The following ARHGEF12 variants were observed in gnomAD, a reference collection of about 807,000 sequenced individuals.
The protein encoded by ARHGEF12 is Rho guanine nucleotide exchange factor 12.
Under a neutral mutation model 211.2 loss-of-function variants are expected in ARHGEF12, and 66 were observed. That is an observed-to-expected ratio of 0.31 (90% CI 0.26 to 0.38). ARHGEF12 has a LOEUF of 0.38. Among genes scored for constraint, ARHGEF12 ranks in the 10% least tolerant of loss-of-function variants. ARHGEF12 has a pLI of 1.00. For missense variants in ARHGEF12, 1,429 were observed against 1,869.5 expected (o/e 0.76, Z 4.34); for synonymous variants, 592 against 638.4 (o/e 0.93, Z 1.09).
intron 31 of ARHGEF12, among the ~76,000 whole-genome samples, chr11:120,473,855 A>G (rs567856955): frequency 2.1e-4 from 32 of 152,322 alleles, no homozygotes; most frequent in Admixed American, 1.6e-3. Flanking sequence ...TGCCACTTCT[A>G]GTATGTGGGC....
intron 1 of ARHGEF12, among the ~76,000 whole-genome samples, chr11:120,404,861 C>T (rs1944653375): frequency 6.6e-6 from 1 of 152,182 alleles, no homozygotes; most frequent in African/African-American, 2.4e-5. Context: ...TCTCCTACCT[C>T]AACAGTTATG....
chr11:120,445,449 A>G lies in ARHGEF12; in HGVS notation c.1330A>G (p.Met444Val). 6.2e-7 allele frequency: 1 copy of G among 1,614,144 alleles called. No individual in the cohort carries two copies. The highest frequency in any genetic ancestry group is 1.3e-5 in the African/African-American group (1 of 75,070). Reference protein sequence around the residue: ...AHLKVSVPDEMSADLEKRRPE... With the variant: ...AHLKVSVPDEVSADLEKRRPE... ...CCTGAAAGTTTCTGTTCCTGATGAA[A>G]TGTCTGCAGATCTAGGTAAGCTTGG... Residue 444 changes from methionine to valine, a missense_variant, in exon 16 of 41, where the codon ATG becomes GTG. By Grantham distance (21) the Met-to-Val change is conservative (BLOSUM62 1). This residue lies in a region of ARHGEF12 where 373 missense variants were observed against 467.5 expected (regional missense o/e 0.80). Coordinates refer to ENST00000397843, the MANE Select transcript of ARHGEF12 (RefSeq NM_015313.3).
At chr11:120,406,332 ATACT>A (rs1446921714) in intron 2 of ARHGEF12, among the ~76,000 whole-genome samples, 191 bp downstream of exon 2, 3 of 152,142 alleles carry the variant, frequency 2.0e-5, no homozygotes, top group Non-Finnish European at 2.9e-5. Context: ...TGTTTTGATA[ATACT>A]TCTAATATAA....
In ARHGEF12 at chr11:120,442,116, T is replaced by C; in HGVS notation, c.1216T>C (p.Tyr406His). ...FDPATLLCYLYSDLYKHTNSK... is the reference protein window; with the variant it reads ...FDPATLLCYLHSDLYKHTNSK... ...TTCTCCACTACAGCTCTGTTATCTC[T>C]ATTCAGACCTGTATAAACATACCAA... Residue 406 changes from tyrosine to histidine, a missense_variant, in exon 15 of 41, where the codon TAT becomes CAT. Tyr to His is a moderately conservative substitution (Grantham distance 83). Transcript: ENST00000397843. 6.3e-7 allele frequency: 1 copy of C among 1,599,858 alleles called. No homozygotes were observed. Among genetic ancestry groups the C allele is most frequent in the Non-Finnish European group, 8.5e-7 (1 of 1,173,930 alleles).
chr11:120,465,589 T>G (rs1399092002), intron 28 of ARHGEF12, among the ~76,000 whole-genome samples: 4 of 152,056 alleles, frequency 2.6e-5, no homozygotes, highest in Non-Finnish European at 5.9e-5. Flanking sequence ...GCCTCAGCCT[T>G]CCTAGTAGTT....
chr11:120,350,514 C>CAA (rs1049405896), intron 1 of ARHGEF12, among the ~76,000 whole-genome samples: 4 of 81,024 alleles, frequency 4.9e-5, no homozygotes, highest in East Asian at 3.2e-4. Flanking sequence ...GACTCCGTCT[C>CAA]AAAAAAAAAA....
chr11:120,357,547 T>G (rs1368634218), intron 1 of ARHGEF12, among the ~76,000 whole-genome samples: 2 of 152,102 alleles, frequency 1.3e-5, no homozygotes, highest in Non-Finnish European at 2.9e-5. Context: ...AGGTAAGGGA[T>G]AGAGGAACAA....
chr11:120,374,319 G>C (rs992579893), intron 1 of ARHGEF12, among the ~76,000 whole-genome samples: 5 of 152,194 alleles, frequency 3.3e-5, no homozygotes, highest in Non-Finnish European at 5.9e-5. Flanking sequence ...TCACAGTTCA[G>C]CAGTTTTGAC....
In ARHGEF12 at chr11:120,451,509, C is replaced by T. The variant is rs1252353524; in HGVS notation, c.1844-3C>T. On this transcript the variant is annotated splice_polypyrimidine_tract_variant and splice_region_variant and intron_variant, in intron 21 of 40. Coordinates refer to ENST00000397843, the MANE Select transcript of ARHGEF12 (RefSeq NM_015313.3). ...AGATTATTAACCATCATTTTCTGAT[C>T]AGTTGGCAGAGCCATGGAACTACAG... is the stretch of plus-strand genomic sequence containing the variant. 8 of 1,613,644 alleles carry T rather than the reference C, an allele frequency of 5.0e-6. No individual in the cohort carries two copies. The African/African-American group carries it at 8.0e-5, about 16-fold the overall frequency.
Position 120,487,086 on chromosome 11 carries a change from C to CT in ARHGEF12, c.*2010dup, listed in dbSNP as rs1402244840. The stretch of plus-strand genomic sequence containing the variant: ...GGGTTACACCTGTAGCCACTTGACA[C>CT]TAACACCATCGAGGGCAATTAATCA... On this transcript the variant is annotated 3_prime_UTR_variant, in exon 41 of 41. Coordinates refer to ENST00000397843, the MANE Select transcript of ARHGEF12 (RefSeq NM_015313.3). 4.6e-6 allele frequency: 1 copy of CT among 217,612 alleles called. No individual in the cohort carries two copies. The highest frequency in any genetic ancestry group is 9.2e-6 in the Non-Finnish European group (1 of 108,116). The allele number at this position is 217,612 out of a possible 1,614,324, so 13.5% of individuals were successfully genotyped here. A position where few individuals can be genotyped will look rare whatever the true frequency, so the allele number is the denominator to read the frequency against.
intron 22 of ARHGEF12, 116 bp downstream of exon 22, chr11:120,451,840 G>C: frequency 1.0e-6 from 1 of 990,678 alleles, no homozygotes; most frequent in Non-Finnish European, 1.5e-6. Flanking sequence ...ATTTAATTTT[G>C]ACATTTTAAT....
chr11:120,465,428 G>C (rs769477273), intron 28 of ARHGEF12, 66 bp downstream of exon 28: 480 of 1,582,636 alleles, frequency 3.0e-4, no homozygotes, highest in Non-Finnish European at 3.9e-4. Context: ...AGATAAACTG[G>C]GGGAATTCTG....
intron 8 of ARHGEF12, among the ~76,000 whole-genome samples, chr11:120,428,788 A>G (rs943184044): frequency 1.3e-5 from 2 of 152,146 alleles, no homozygotes; most frequent in African/African-American, 4.8e-5. Flanking sequence ...AAAAGCATCA[A>G]ATATTGTGGA....
At chr11:120,484,986 C>A in intron 40 of ARHGEF12, 81 bp from the exon 41 acceptor site, 2 of 1,445,120 alleles carry the variant, frequency 1.4e-6, no homozygotes, top group Non-Finnish European at 1.9e-6. Context: ...GAACCACGCC[C>A]ACAGATGTCA....
chr11:120,468,328 A>G lies in ARHGEF12; in HGVS notation c.2855-960A>G, dbSNP rs1051246537. The stretch of plus-strand genomic sequence containing the variant: ...TACATATTAATTTTTACACTTTAAT[A>G]TATCTGCTCAGTGTAGTTAGACTGT... On this transcript the variant is annotated intron_variant, in intron 29 of 40. Coordinates refer to ENST00000397843, the MANE Select transcript of ARHGEF12 (RefSeq NM_015313.3). Among the ~76,000 whole-genome samples, 7 of 152,362 alleles carry G rather than the reference A, an allele frequency of 4.6e-5. No homozygotes were observed. In the South Asian group the frequency reaches 1.4e-3, roughly 32 times the overall value.
intron 6 of ARHGEF12, among the ~76,000 whole-genome samples, chr11:120,423,586 GA>G (rs1451402108): frequency 6.6e-6 from 1 of 151,296 alleles, no homozygotes; most frequent in African/African-American, 2.4e-5. Flanking sequence ...GCCGTACAGT[GA>G]AAAAAAAGTT....
chr11:120,438,206 T>C (rs982430006), intron 12 of ARHGEF12, among the ~76,000 whole-genome samples: 3 of 152,270 alleles, frequency 2.0e-5, no homozygotes, highest in Non-Finnish European at 2.9e-5. Flanking sequence ...ATAAGGACTA[T>C]TGAAAAATCA....
intron 1 of ARHGEF12, among the ~76,000 whole-genome samples, chr11:120,375,809 G>A (rs1342291082): frequency 6.6e-6 from 1 of 151,962 alleles, no homozygotes; most frequent in East Asian, 1.9e-4. Context: ...TATTTAGTTT[G>A]TCATGTTCCT....
intron 31 of ARHGEF12, 69 bp downstream of exon 31, chr11:120,473,196 C>A: frequency 1.5e-6 from 2 of 1,376,698 alleles, no homozygotes; most frequent in Non-Finnish European, 2.0e-6. Context: ...AGGTAATTAA[C>A]ATCTCAGTGG....
Sources: gnomAD v4.1 joint callset for allele counts (sites outside exome capture counted in the v4.1 genomes callset) on GRCh38, gnomAD v4.1.1 for gene constraint, gnomAD v4.1.1 regional missense constraint, MANE v1.5 for transcripts, NCBI Gene and HGNC (gene_info 2026-07-23, HGNC 2026-07-21) for gene names.